Variants in AASDHPPT observed in about 807,000 individuals in gnomAD.
AASDHPPT encodes the protein L-aminoadipate-semialdehyde dehydrogenase-phosphopantetheinyl transferase.
Under a neutral mutation model 36.4 loss-of-function variants are expected in AASDHPPT, and 23 were observed. That is an observed-to-expected ratio of 0.63 (90% CI 0.45 to 0.89). The LOEUF (loss-of-function observed/expected upper bound fraction) is 0.89, where lower values mean the gene tolerates loss of function less well. Ranked by LOEUF, AASDHPPT falls within the 40% of genes least tolerant of loss-of-function variation. The probability of loss-of-function intolerance (pLI) is 0.00; values close to 1 mark genes in which losing one functional copy is unlikely to be tolerated. For missense variants in AASDHPPT, 377 were observed against 378.2 expected (o/e 1.00, Z 0.03); for synonymous variants, 115 against 128.0 (o/e 0.90, Z 0.68).
At position 106,090,690 on chromosome 11, in the gene AASDHPPT, T is replaced by C; in HGVS notation, c.531+12T>C. ...TTTATAGGAATTGGGTATAATTCTTTCTAATTTTGAAAGCAAAAGTCTATA... is the reference window on the plus strand; with the variant it reads ...TTTATAGGAATTGGGTATAATTCTTCCTAATTTTGAAAGCAAAAGTCTATA... On this transcript the variant is annotated intron_variant, in intron 3 of 5. Coordinates refer to ENST00000278618, the MANE Select transcript of AASDHPPT (RefSeq NM_015423.3). The C allele has an allele frequency of 1.9e-6, 3 of 1,577,170 alleles. No homozygotes were observed. Among genetic ancestry groups the C allele is most frequent in the Non-Finnish European group, 1.7e-6 (2 of 1,166,720 alleles).
intron 2 of AASDHPPT, chr11:106,085,862 G>A (rs144623328): frequency 6.6e-6 from 1 of 152,348 alleles, no homozygotes; most frequent in East Asian, 1.9e-4. Context: ...CACAGGTTGA[G>A]TATCCCTAGT....
chr11:106,095,958 T>A (rs1861308817), intron 5 of AASDHPPT: 1 of 152,240 alleles, frequency 6.6e-6, no homozygotes, highest in Non-Finnish European at 1.5e-5. Flanking sequence ...AACAGTGGCA[T>A]GTTGGGAAGA....
chr11:106,095,188 A>G (rs1768776012), intron 5 of AASDHPPT, among the ~76,000 whole-genome samples: 1 of 152,214 alleles, frequency 6.6e-6, no homozygotes. Flanking sequence ...AACAAAAAAA[A>G]ATATGGTAGT....
At chr11:106,085,036 A>T (rs896743705) in intron 2 of AASDHPPT, among the ~76,000 whole-genome samples, 1 of 152,236 alleles carries the variant, frequency 6.6e-6, no homozygotes, top group African/African-American at 2.4e-5. Flanking sequence ...ACCATTTTTT[A>T]TGAGTGATAT....
chr11:106,093,110 A>G (rs1221570535), intron 4 of AASDHPPT: 2 of 152,222 alleles, frequency 1.3e-5, no homozygotes, highest in Non-Finnish European at 2.9e-5. Flanking sequence ...AGCATTTTGA[A>G]GAAGAGAGCT....
chr11:106,088,138 G>A (rs1349070354), intron 2 of AASDHPPT, among the ~76,000 whole-genome samples: 2 of 152,042 alleles, frequency 1.3e-5, no homozygotes, highest in East Asian at 1.9e-4. Flanking sequence ...ATATGAAAAC[G>A]CACTCGTATC....
chr11:106,083,915 A>G (rs1861169964), intron 2 of AASDHPPT, among the ~76,000 whole-genome samples: 1 of 152,168 alleles, frequency 6.6e-6, no homozygotes, highest in Non-Finnish European at 1.5e-5. Flanking sequence ...AATTTAAAAA[A>G]ATTATATTCC....
chr11:106,089,690 G>T (rs555148540), intron 2 of AASDHPPT: 26 of 151,982 alleles, frequency 1.7e-4, no homozygotes, highest in African/African-American at 6.3e-4. Context: ...GTGCTTGGTG[G>T]TAAAGACACA....
At chr11:106,084,596 GC>G (rs1861178157) in intron 2 of AASDHPPT, among the ~76,000 whole-genome samples, 2 of 151,460 alleles carry the variant, frequency 1.3e-5, no homozygotes, top group Admixed American at 1.3e-4. Context: ...GAGCCACTGT[GC>G]CCAGCCAATA....
intron 4 of AASDHPPT, chr11:106,091,685 G>A: frequency 2.3e-6 from 1 of 433,916 alleles, no homozygotes; most frequent in Middle Eastern, 6.1e-4. Flanking sequence ...TGTGAGTTCA[G>A]TACGGGAAAG....
At chr11:106,087,962 T>C (rs1861213046) in intron 2 of AASDHPPT, among the ~76,000 whole-genome samples, 1 of 152,186 alleles carries the variant, frequency 6.6e-6, no homozygotes, top group Admixed American at 6.5e-5. Flanking sequence ...TATTCCAGTT[T>C]CCTAGGTAAA....
intron 2 of AASDHPPT, among the ~76,000 whole-genome samples, chr11:106,081,989 C>T (rs553922439): frequency 1.7e-4 from 25 of 151,106 alleles, no homozygotes; most frequent in South Asian, 4.2e-4. Flanking sequence ...CACATGTACC[C>T]TAGAACTTAA....
intron 2 of AASDHPPT, among the ~76,000 whole-genome samples, chr11:106,086,967 C>CTG (rs1307475027): frequency 4.6e-5 from 7 of 152,210 alleles, no homozygotes; most frequent in Non-Finnish European, 7.3e-5. Flanking sequence ...TCTTCATTCT[C>CTG]TGGAGTTCTT....
intron 5 of AASDHPPT, among the ~76,000 whole-genome samples, chr11:106,095,229 A>G (rs1467653440): frequency 6.6e-6 from 1 of 152,174 alleles, no homozygotes; most frequent in African/African-American, 2.4e-5. Flanking sequence ...TCCAATAGAC[A>G]TTCAAGATTA....
intron 5 of AASDHPPT, among the ~76,000 whole-genome samples, chr11:106,096,133 A>G (rs902106415): frequency 2.6e-5 from 4 of 152,206 alleles, no homozygotes; most frequent in Admixed American, 2.0e-4. Flanking sequence ...GACCAGTCAT[A>G]TAAGTACTGG....
At chr11:106,082,791 C>A (rs1450948606) in intron 2 of AASDHPPT, among the ~76,000 whole-genome samples, 1 of 152,092 alleles carries the variant, frequency 6.6e-6, no homozygotes, top group East Asian at 1.9e-4. Flanking sequence ...ATTTATTACC[C>A]TCTTTTGGAA....
intron 4 of AASDHPPT, 48 bp from the exon 5 acceptor site, chr11:106,094,535 A>G (rs752444854): frequency 7.4e-7 from 1 of 1,345,076 alleles, no homozygotes; most frequent in Non-Finnish European, 1.0e-6. Flanking sequence ...AGTTACATCT[A>G]GGTTTACATA....
intron 1 of AASDHPPT, 138 bp from the exon 2 acceptor site, chr11:106,079,329 C>T (rs1454011033): frequency 1.6e-5 from 11 of 667,850 alleles, no homozygotes; most frequent in South Asian, 6.9e-5. Context: ...TCTTAATTAA[C>T]GTGTGTTTAA....
intron 4 of AASDHPPT, 55 bp downstream of exon 4, chr11:106,091,532 A>G (rs756700631): frequency 2.6e-5 from 38 of 1,489,968 alleles, no homozygotes; most frequent in Non-Finnish European, 3.3e-5. Flanking sequence ...TTATGCATGT[A>G]TGTGTGATTA....
Sources: gnomAD v4.1 joint callset for allele counts (sites outside exome capture counted in the v4.1 genomes callset) on GRCh38, gnomAD v4.1.1 for gene constraint, MANE v1.5 for transcripts, NCBI Gene and HGNC (gene_info 2026-07-23, HGNC 2026-07-21) for gene names.